Variants in NUDC observed in about 807,000 individuals in gnomAD.
NUDC encodes the protein nuclear distribution C, dynein complex regulator.
NUDC carries 14 observed loss-of-function variants against 45.0 expected under a neutral mutation model. The observed-to-expected ratio is 0.31, with a 90% confidence interval of 0.21 to 0.49. NUDC has a LOEUF of 0.49. NUDC is among the 20% of genes least tolerant of loss of function. NUDC has a pLI of 0.99. For missense variants in NUDC, 323 were observed against 426.2 expected (o/e 0.76, Z 2.13); for synonymous variants, 153 against 156.7 (o/e 0.98, Z 0.17).
chr1:26,913,241 C>G (rs988868139), intron 3 of NUDC, among the ~76,000 whole-genome samples: 2 of 152,044 alleles, frequency 1.3e-5, no homozygotes, highest in Admixed American at 6.6e-5. Flanking sequence ...GAGCCAAGAT[C>G]GCACCACTGC....
chr1:26,917,973 T>TACACAC (rs113458577), upstream of NUDC, among the ~76,000 whole-genome samples: 1 of 147,446 alleles, frequency 6.8e-6, no homozygotes. Flanking sequence ...AATGAATGTG[T>TACACAC]ACACACACAC....
At chr1:26,922,782 T>C (rs944435791) in intron 1 of NUDC, among the ~76,000 whole-genome samples, 8 of 152,220 alleles carry the variant, frequency 5.3e-5, no homozygotes, top group African/African-American at 1.9e-4. Flanking sequence ...TAGGTTTCCA[T>C]TGAACTTTCT....
At chr1:26,928,317 G>A (rs2082151049) in intron 2 of NUDC, among the ~76,000 whole-genome samples, 1 of 152,092 alleles carries the variant, frequency 6.6e-6, no homozygotes, top group African/African-American at 2.4e-5. Flanking sequence ...TAAAAATCCT[G>A]TAAGGAAAAC....
At chr1:26,916,614 G>C (rs1361001479) in intron 3 of NUDC, among the ~76,000 whole-genome samples, 1 of 152,014 alleles carries the variant, frequency 6.6e-6, no homozygotes, top group African/African-American at 2.4e-5. Context: ...TAATCTTTTA[G>C]TGGAAAATAA....
intron 2 of NUDC, among the ~76,000 whole-genome samples, chr1:26,910,916 C>T (rs183526960): frequency 5.5e-4 from 83 of 152,180 alleles, no homozygotes; most frequent in African/African-American, 2.0e-3. Context: ...GGCAGAGGGG[C>T]AGGGAAGGAA....
At chr1:26,911,717 C>T in intron 3 of NUDC, 2 of 1,095,842 alleles carry the variant, frequency 1.8e-6, no homozygotes, top group Non-Finnish European at 2.7e-6. Flanking sequence ...AGAGCTGTTC[C>T]TAAGGAGCCA....
chr1:26,936,996 G>A (rs1011470485), intron 2 of NUDC, among the ~76,000 whole-genome samples: 4 of 152,104 alleles, frequency 2.6e-5, no homozygotes, highest in South Asian at 2.1e-4. Context: ...AAATTGCCTC[G>A]TGTACTTCTG....
intron 2 of NUDC, among the ~76,000 whole-genome samples, chr1:26,905,118 G>A (rs572366443): frequency 4.0e-5 from 6 of 149,150 alleles, no homozygotes; most frequent in South Asian, 2.1e-4. Context: ...GATTACAGGC[G>A]TGAGCGACTG....
At chr1:26,945,996 G>A in intron 8 of NUDC, 134 bp from the exon 9 acceptor site, 1 of 855,448 alleles carries the variant, frequency 1.2e-6, no homozygotes, top group Non-Finnish European at 2.0e-6. Context: ...CAGATACCCT[G>A]GGCCCTGCTC....
chr1:26,941,417 C>A, intron 2 of NUDC, 40 bp from the exon 3 acceptor site: 1 of 1,601,108 alleles, frequency 6.2e-7, no homozygotes, highest in South Asian at 1.1e-5. Context: ...GGGACACTGT[C>A]CCCTGCTCTG....
chr1:26,935,225 G>A (rs976794653), intron 2 of NUDC, among the ~76,000 whole-genome samples: 16 of 148,406 alleles, frequency 1.1e-4, no homozygotes, highest in Admixed American at 1.3e-4. Flanking sequence ...CAGGTGTTCC[G>A]TGCCCCCTTG....
intron 2 of NUDC, among the ~76,000 whole-genome samples, chr1:26,933,150 G>T (rs1408211624): frequency 6.6e-6 from 1 of 151,548 alleles, no homozygotes. Context: ...TGGTCAGGCT[G>T]GTCTTGAACT....
chr1:26,925,542 A>T (rs1232990255), intron 2 of NUDC, among the ~76,000 whole-genome samples: 1 of 149,804 alleles, frequency 6.7e-6, no homozygotes, highest in Non-Finnish European at 1.5e-5. Flanking sequence ...CCGTCTCAAA[A>T]AAAAAAAAAA....
rs2124147906 is a variant in NUDC, at chr1:26,946,447, T to TA, written c.*267dup. On this transcript the variant is annotated 3_prime_UTR_variant, in exon 9 of 9. Transcript: ENST00000321265. ...GCCTTTCTCTGGGGCACAGGCCTCTTACGGCTGCTGCTGGGAACTGGGAGT... is the reference window on the plus strand; with the variant it reads ...GCCTTTCTCTGGGGCACAGGCCTCTTAACGGCTGCTGCTGGGAACTGGGAGT... 4.0e-6 allele frequency: 2 copies of TA among 504,586 alleles called. No homozygotes were observed. Among genetic ancestry groups the TA allele is most frequent in the South Asian group, 2.1e-5 (1 of 48,490 alleles). 31.3% of individuals were successfully genotyped at this position (504,586 alleles called of 1,614,324 possible). A position where few individuals can be genotyped will look rare whatever the true frequency, so the allele number is the denominator to read the frequency against.
Position 26,912,933 on chromosome 1 carries a change from C to G in NUDC, c.93+1698C>G, listed in dbSNP as rs565049276. On this transcript the variant is annotated intron_variant, in intron 3 of 6. Coordinates refer to the NUDC transcript ENST00000435827. ...GGTCTGTCCCTACCTGGCTGTGTTA[C>G]CTTTAGCTAGTCACTTAGCTTCTCT... 3.9e-5 allele frequency among the ~76,000 whole-genome samples: 6 copies of G among 152,306 alleles called. No individual in the cohort carries two copies. In the East Asian group the frequency reaches 1.2e-3, roughly 29 times the overall value.
At chr1:26,932,738 A>G (rs963581105) in intron 2 of NUDC, among the ~76,000 whole-genome samples, 6 of 152,096 alleles carry the variant, frequency 3.9e-5, no homozygotes, top group African/African-American at 1.4e-4. Flanking sequence ...CCATTAAGCA[A>G]CTTCGCTTTG....
chr1:26,929,522 A>T (rs1012010496), intron 2 of NUDC, among the ~76,000 whole-genome samples: 3 of 152,188 alleles, frequency 2.0e-5, no homozygotes, highest in African/African-American at 7.2e-5. Flanking sequence ...ATGCAGGAGG[A>T]TGCATGTAGG....
Position 26,911,990 on chromosome 1 carries a change from G to A in NUDC, c.93+755G>A, listed in dbSNP as rs764273513. ...GAGGACACGGGTCAGGCGGCCTTGG[G>A]CTGCTGGGCACCAGGGTTCCAGGAC... is the stretch of plus-strand genomic sequence containing the variant. On this transcript the variant is annotated intron_variant, in intron 3 of 6. Coordinates refer to the NUDC transcript ENST00000435827. 1.9e-5 allele frequency: 30 copies of A among 1,614,120 alleles called. No individual in the cohort carries two copies. The African/African-American group carries it at 3.2e-4, about 17-fold the overall frequency.
intron 2 of NUDC, among the ~76,000 whole-genome samples, chr1:26,907,217 C>G (rs1260324311): frequency 6.6e-6 from 1 of 152,184 alleles, no homozygotes; most frequent in Non-Finnish European, 1.5e-5. Flanking sequence ...GGTTGCCTAG[C>G]AAAACCCTGT....
Sources: allele counts gnomAD v4.1 joint callset (sites outside exome capture counted in the v4.1 genomes callset), GRCh38; gene constraint gnomAD v4.1.1; transcripts MANE v1.5; gene names NCBI Gene and HGNC (gene_info 2026-07-23, HGNC 2026-07-21).